TENM4: variants seen among roughly 807,000 people sequenced by gnomAD.
The protein encoded by TENM4 is teneurin transmembrane protein 4.
A neutral mutation model predicts 243.3 loss-of-function variants in TENM4; 82 were observed. The ratio of observed to expected loss-of-function variants is 0.34; its 90% CI spans 0.28 to 0.40. The LOEUF is 0.40. Among genes scored for constraint, TENM4 ranks in the 10% least tolerant of loss-of-function variants. TENM4 has a pLI of 1.00. For missense variants in TENM4, 3,138 were observed against 3,673.3 expected (o/e 0.85, Z 3.77); for synonymous variants, 1,412 against 1,456.3 (o/e 0.97, Z 0.69).
intron 25 of TENM4, among the ~76,000 whole-genome samples, chr11:78,715,324 G>A (rs1419315368): frequency 6.6e-6 from 1 of 152,172 alleles, no homozygotes; most frequent in Non-Finnish European, 1.5e-5. Context: ...CTGAGGCGGG[G>A]TGATTTTTTT....
chr11:78,707,814 G>A (rs1188436887), intron 27 of TENM4, among the ~76,000 whole-genome samples: 1 of 152,214 alleles, frequency 6.6e-6, no homozygotes, highest in Admixed American at 6.5e-5. Context: ...CTACTGGGCC[G>A]ATGTGAATTA....
chr11:78,749,998 AGCACGTCT>A (rs1185767337), intron 19 of TENM4, among the ~76,000 whole-genome samples: 54 of 152,300 alleles, frequency 3.5e-4, no homozygotes, highest in African/African-American at 1.2e-3. Context: ...CAAATGTCAG[AGCACGTCT>A]TCTGACCTTT....
intron 29 of TENM4, among the ~76,000 whole-genome samples, chr11:78,676,918 A>G (rs1458283479): frequency 1.3e-5 from 2 of 152,216 alleles, no homozygotes; most frequent in African/African-American, 2.4e-5. Context: ...GACTCCACTT[A>G]TATGAAATGT....
chr11:78,977,876 A>C (rs1455637230), intron 6 of TENM4, among the ~76,000 whole-genome samples: 1 of 152,250 alleles, frequency 6.6e-6, no homozygotes, highest in Non-Finnish European at 1.5e-5. Flanking sequence ...AGGATTATAA[A>C]TCATTCTACT....
intron 6 of TENM4, among the ~76,000 whole-genome samples, chr11:78,998,994 G>C (rs1226964813): frequency 6.6e-6 from 1 of 152,202 alleles, no homozygotes; most frequent in Admixed American, 6.5e-5. Context: ...CCTAAGCTTT[G>C]AATGTATTTC....
At chr11:78,746,852 A>G (rs1337118521) in intron 19 of TENM4, among the ~76,000 whole-genome samples, 2 of 152,240 alleles carry the variant, frequency 1.3e-5, no homozygotes, top group Non-Finnish European at 2.9e-5. Context: ...TGTTAGAAAA[A>G]TACAAGGCAG....
At chr11:78,690,517 A>G (rs1277666399) in intron 28 of TENM4, among the ~76,000 whole-genome samples, 1 of 152,216 alleles carries the variant, frequency 6.6e-6, no homozygotes. Flanking sequence ...TGTGACAAGC[A>G]AGGTAAAACC....
At chr11:79,217,611 T>A (rs1864077598) in intron 2 of TENM4, among the ~76,000 whole-genome samples, 1 of 152,222 alleles carries the variant, frequency 6.6e-6, no homozygotes, top group Non-Finnish European at 1.5e-5. Flanking sequence ...GGCAAATTAT[T>A]TTAAATAAAG....
intron 9 of TENM4, among the ~76,000 whole-genome samples, chr11:78,880,734 C>T (rs1156374845): frequency 6.6e-6 from 1 of 152,154 alleles, no homozygotes; most frequent in African/African-American, 2.4e-5. Flanking sequence ...TGGATGATAC[C>T]TTAAAAAATT....
In TENM4 at chr11:78,672,093, G is replaced by A. The variant is rs373347923; in HGVS notation, c.5733C>T (p.Gly1911=). ...CAGCGAAGATCCTGGATGTGATGCG[G>A]CCCGCCTGGTCGTATTCCATTCTTT... is the stretch of plus-strand genomic sequence containing the variant. ...MSERMEYDQA[G]RITSRIFADG... Residue 1911 remains glycine, a synonymous_variant, in exon 31 of 34, where the codon GGC becomes GGT. Coordinates refer to ENST00000278550, the MANE Select transcript of TENM4 (RefSeq NM_001098816.3). 9.9e-6 allele frequency: 16 copies of A among 1,613,850 alleles called. No homozygotes were observed. The African/African-American group carries it at 1.9e-4, about 19-fold the overall frequency.
intron 1 of TENM4, among the ~76,000 whole-genome samples, chr11:79,304,493 T>A (rs577464139): frequency 6.6e-6 from 1 of 152,284 alleles, no homozygotes; most frequent in East Asian, 1.9e-4. Context: ...GGCCTTGGAT[T>A]TTTCCCCCTG....
Position 79,438,315 on chromosome 11 carries a change from C to T in TENM4, c.-321+2194G>A, listed in dbSNP as rs910464036. On this transcript the variant is annotated intron_variant, in intron 1 of 33. Coordinates refer to ENST00000278550, the MANE Select transcript of TENM4 (RefSeq NM_001098816.3). The surrounding 1 kb of genome is among the most constrained non-coding windows in gnomAD (Gnocchi z 4.1). ...TCTATCAAAGCCCATCAACGTGATA[C>T]ACAGGCTGCGGCGCTGGAGGGAAGC... Among the ~76,000 whole-genome samples the T allele has an allele frequency of 1.3e-5, 2 of 152,184 alleles. No homozygotes were observed. Among genetic ancestry groups the T allele is most frequent in the South Asian group, 4.1e-4 (2 of 4,828 alleles).
At chr11:79,153,882 G>A (rs963199728) in intron 3 of TENM4, among the ~76,000 whole-genome samples, 7 of 152,092 alleles carry the variant, frequency 4.6e-5, no homozygotes, top group South Asian at 2.1e-4. Context: ...AATTCTTAGT[G>A]ATCTTAGGTA....
chr11:79,066,574 G>GCA (rs529649135), intron 5 of TENM4, among the ~76,000 whole-genome samples: 10 of 151,640 alleles, frequency 6.6e-5, no homozygotes, highest in Non-Finnish European at 1.3e-4. Context: ...ACGTGCACGC[G>GCA]CACACACACA....
intron 4 of TENM4, among the ~76,000 whole-genome samples, chr11:79,139,777 A>AATATATATTTATATAT (rs1862243886): frequency 7.5e-5 from 2 of 26,796 alleles, no homozygotes; most frequent in Non-Finnish European, 1.2e-4. Flanking sequence ...ATAAATATAT[A>AATATATATTTATATAT]ATATATATTA....
At chr11:78,784,451 G>C (rs963829258) in intron 16 of TENM4, among the ~76,000 whole-genome samples, 1 of 152,078 alleles carries the variant, frequency 6.6e-6, no homozygotes, top group Non-Finnish European at 1.5e-5. Context: ...AGCTGGCCAC[G>C]GGCAGAGACC....
chr11:78,777,755 A>G (rs1170203814), intron 17 of TENM4, among the ~76,000 whole-genome samples: 2 of 152,184 alleles, frequency 1.3e-5, no homozygotes, highest in African/African-American at 4.8e-5. Context: ...TCTGCAGAGC[A>G]CACATTTTGT....
intron 3 of TENM4, among the ~76,000 whole-genome samples, chr11:79,173,668 C>T (rs1030807555): frequency 6.6e-6 from 1 of 152,172 alleles, no homozygotes; most frequent in African/African-American, 2.4e-5. Flanking sequence ...GCCTCAAAGA[C>T]CTCAGATACC....
intron 1 of TENM4, among the ~76,000 whole-genome samples, chr11:79,417,018 T>C (rs1463221294): frequency 6.6e-6 from 1 of 152,204 alleles, no homozygotes. Flanking sequence ...TCCTGATCAA[T>C]ATCTCAATAC....
Sources: allele counts gnomAD v4.1 joint callset (sites outside exome capture counted in the v4.1 genomes callset), GRCh38; gene constraint gnomAD v4.1.1; non-coding constraint Gnocchi (gnomAD v3.1); transcripts MANE v1.5; gene names NCBI Gene and HGNC (gene_info 2026-07-23, HGNC 2026-07-21).